MAN1A1: variants seen among roughly 807,000 people sequenced by gnomAD.
The protein encoded by MAN1A1 is mannosidase alpha class 1A member 1, also known as mannosyl-oligosaccharide 1,2-alpha-mannosidase IA.
MAN1A1 carries 29 observed loss-of-function variants against 70.8 expected under a neutral mutation model. That is an observed-to-expected ratio of 0.41 (90% CI 0.31 to 0.56). The LOEUF is 0.56. MAN1A1 is among the 20% of genes least tolerant of loss of function. The pLI is 0.29. For synonymous variants in MAN1A1, 349 were observed against 330.1 expected, an observed-to-expected ratio of 1.06 and a Z score of -0.62; for missense variants, 747 against 841.3, an observed-to-expected ratio of 0.89 and a Z score of 1.39.
At chr6:119,196,757 T>C (rs1562187255) in intron 8 of MAN1A1, among the ~76,000 whole-genome samples, 1 of 152,172 alleles carries the variant, frequency 6.6e-6, no homozygotes, top group African/African-American at 2.4e-5. Context: ...TCATCTGAAT[T>C]TCTCTCTTTG....
chr6:119,338,043 T>C (rs796889479), intron 2 of MAN1A1, among the ~76,000 whole-genome samples: 1 of 136,350 alleles, frequency 7.3e-6, no homozygotes, highest in Non-Finnish European at 1.6e-5. Context: ...GTTGGCTAGA[T>C]AAAACATTCA....
intron 11 of MAN1A1, among the ~76,000 whole-genome samples, chr6:119,184,610 T>C (rs1479371744): frequency 6.6e-6 from 1 of 151,960 alleles, no homozygotes; most frequent in Admixed American, 6.6e-5. Context: ...AAGAAGTCAC[T>C]TCCTGAGAGT....
chr6:119,208,659 T>C (rs2114954551), intron 6 of MAN1A1, among the ~76,000 whole-genome samples: 1 of 152,362 alleles, frequency 6.6e-6, no homozygotes, highest in South Asian at 2.1e-4. Context: ...ACCACAGTAC[T>C]AATGGTGCTA....
Position 119,248,322 on chromosome 6 carries a change from T to C in MAN1A1, c.930A>G (p.Val310=). Residue 310 remains valine, a synonymous_variant, in exon 6 of 13, where the codon GTA becomes GTG. Coordinates refer to ENST00000368468, the MANE Select transcript of MAN1A1 (RefSeq NM_005907.4). ...IFRKKAVELG[V]KLLPAFHTPS... ...GAGTATGAAATGCAGGTAGCAATTT[T>C]ACCCCAAGTTCCACTGCTTTCTTTC... 1 of 1,613,466 alleles carries C rather than the reference T, an allele frequency of 6.2e-7. No individual in the cohort carries two copies. Among genetic ancestry groups the C allele is most frequent in the Non-Finnish European group, 8.5e-7 (1 of 1,179,406 alleles).
At chr6:119,334,671 A>C (rs1773406043) in intron 2 of MAN1A1, among the ~76,000 whole-genome samples, 2 of 152,232 alleles carry the variant, frequency 1.3e-5, no homozygotes, top group Admixed American at 1.3e-4. Flanking sequence ...TCTTAAATGC[A>C]CTAGGAATCT....
chr6:119,275,049 T>A (rs1776017643), intron 5 of MAN1A1, among the ~76,000 whole-genome samples: 1 of 152,092 alleles, frequency 6.6e-6, no homozygotes, highest in Non-Finnish European at 1.5e-5. Flanking sequence ...TTAGTTTTCA[T>A]AACTTAATTA....
chr6:119,202,426 T>C (rs562878686), intron 7 of MAN1A1, among the ~76,000 whole-genome samples: 3 of 152,286 alleles, frequency 2.0e-5, no homozygotes, highest in African/African-American at 7.2e-5. Context: ...TGATAATGCC[T>C]TGAAGAGGAA....
At chr6:119,205,843 C>T (rs915859237) in intron 6 of MAN1A1, among the ~76,000 whole-genome samples, 2 of 152,242 alleles carry the variant, frequency 1.3e-5, no homozygotes, top group African/African-American at 4.8e-5. Flanking sequence ...TAGGACTATA[C>T]ATGGCATTGG....
chr6:119,251,838 A>C lies in MAN1A1; in HGVS notation c.898-3484T>G, dbSNP rs570766067. ...AGATATTAATATTCTCAGTTAACAG[A>C]CAGGAACAGCGGCCCCTTCCCATAT... On this transcript the variant is annotated intron_variant, in intron 5 of 12. Coordinates refer to ENST00000368468, the MANE Select transcript of MAN1A1 (RefSeq NM_005907.4). Among the ~76,000 whole-genome samples the C allele has an allele frequency of 4.6e-5, 7 of 152,314 alleles. No homozygotes were observed. In the East Asian group the frequency reaches 7.7e-4, roughly 17 times the overall value.
intron 5 of MAN1A1, among the ~76,000 whole-genome samples, chr6:119,278,593 T>C (rs189235336): frequency 6.6e-6 from 1 of 152,252 alleles, no homozygotes; most frequent in African/African-American, 2.4e-5. Context: ...ATTTTTAAAA[T>C]TGAAATATGT....
chr6:119,194,606 G>T (rs1235054764), intron 8 of MAN1A1, among the ~76,000 whole-genome samples: 1 of 152,176 alleles, frequency 6.6e-6, no homozygotes, highest in Non-Finnish European at 1.5e-5. Flanking sequence ...TTACAGGCAT[G>T]AACCACTGTG....
chr6:119,297,872 A>G (rs1298424588), intron 4 of MAN1A1, among the ~76,000 whole-genome samples: 2 of 150,310 alleles, frequency 1.3e-5, no homozygotes, highest in South Asian at 2.1e-4. Context: ...CTGCTCTTGA[A>G]CTTCTGGGTT....
intron 2 of MAN1A1, among the ~76,000 whole-genome samples, chr6:119,309,629 T>C (rs1249655068): frequency 5.3e-5 from 8 of 152,076 alleles, no homozygotes; most frequent in South Asian, 2.1e-4. Flanking sequence ...AAATTTCAAA[T>C]GCAGTAGTGA....
At chr6:119,237,968 C>T (rs553886803) in intron 6 of MAN1A1, among the ~76,000 whole-genome samples, 10 of 152,272 alleles carry the variant, frequency 6.6e-5, no homozygotes, top group South Asian at 6.2e-4. Flanking sequence ...GTAACTGTCA[C>T]ATTATTCTTA....
chr6:119,219,950 T>G (rs1344150206), intron 6 of MAN1A1, among the ~76,000 whole-genome samples: 1 of 151,594 alleles, frequency 6.6e-6, no homozygotes, highest in Non-Finnish European at 1.5e-5. Context: ...TTTTTTTTCC[T>G]CAAAGGAATA....
At chr6:119,258,845 A>G (rs971921900) in intron 5 of MAN1A1, among the ~76,000 whole-genome samples, 6 of 152,132 alleles carry the variant, frequency 3.9e-5, no homozygotes, top group Admixed American at 6.5e-5. Context: ...CAGAGCTGGG[A>G]CTAGGTGATG....
At chr6:119,282,011 G>A (rs1412604989) in intron 5 of MAN1A1, among the ~76,000 whole-genome samples, 1 of 152,180 alleles carries the variant, frequency 6.6e-6, no homozygotes, top group Admixed American at 6.5e-5. Flanking sequence ...GCAGTGAAGT[G>A]AGCCAAGATC....
chr6:119,236,969 T>C (rs916129638), intron 6 of MAN1A1, among the ~76,000 whole-genome samples: 8 of 152,038 alleles, frequency 5.3e-5, no homozygotes, highest in East Asian at 1.9e-4. Flanking sequence ...CTGGATGACT[T>C]TGAGGGGTTC....
At chr6:119,342,712 T>C (rs990348230) in intron 2 of MAN1A1, among the ~76,000 whole-genome samples, 3 of 152,158 alleles carry the variant, frequency 2.0e-5, no homozygotes, top group Non-Finnish European at 4.4e-5. Flanking sequence ...GAATTGCCCA[T>C]AGATTGGTGT....
Sources: gnomAD v4.1 joint callset for allele counts (sites outside exome capture counted in the v4.1 genomes callset) on GRCh38, gnomAD v4.1.1 for gene constraint, MANE v1.5 for transcripts, NCBI Gene and HGNC (gene_info 2026-07-23, HGNC 2026-07-21) for gene names.